Variants in YY1 observed in about 807,000 individuals in gnomAD.
YY1 encodes the protein transcriptional repressor protein YY1.
Under a neutral mutation model 35.6 loss-of-function variants are expected in YY1, and 2 were observed. That is an observed-to-expected ratio of 0.06 (90% CI 0.02 to 0.18). The LOEUF (loss-of-function observed/expected upper bound fraction) is 0.18, where lower values mean the gene tolerates loss of function less well. Ranked by LOEUF, YY1 falls within the 10% of genes least tolerant of loss-of-function variation. The pLI, the probability that YY1 is intolerant of heterozygous loss-of-function variation, is 1.00. For missense variants in YY1, 322 were observed against 573.4 expected (o/e 0.56, Z 4.48); for synonymous variants, 268 against 238.9 (o/e 1.12, Z -1.12).
At chr14:100,250,714 C>T (rs1234810663) in intron 1 of YY1, among the ~76,000 whole-genome samples, 2 of 151,818 alleles carry the variant, frequency 1.3e-5, no homozygotes, top group African/African-American at 4.8e-5. Flanking sequence ...TTAGAGATGC[C>T]TAAAAAATGT....
chr14:100,240,571 G>C (rs1179509288), intron 1 of YY1, among the ~76,000 whole-genome samples: 1 of 152,152 alleles, frequency 6.6e-6, no homozygotes, highest in Non-Finnish European at 1.5e-5. Context: ...CCCAGCGCCG[G>C]GCTGGACCCT....
At chr14:100,268,291 C>A (rs80353463) in intron 2 of YY1, among the ~76,000 whole-genome samples, 1,881 of 152,280 alleles carry the variant, frequency 0.012, 40 homozygotes, top group African/African-American at 0.043. Flanking sequence ...CAGTTACATA[C>A]GCACATGGGC....
intron 1 of YY1, 95 bp downstream of exon 1, chr14:100,240,018 C>A: frequency 8.0e-7 from 1 of 1,250,922 alleles, no homozygotes; most frequent in Non-Finnish European, 1.0e-6. Flanking sequence ...TCTTCTTCGC[C>A]AGGGCAAGTA....
At chr14:100,263,088 A>G (rs1169451082) in intron 2 of YY1, among the ~76,000 whole-genome samples, 1 of 152,188 alleles carries the variant, frequency 6.6e-6, no homozygotes, top group Admixed American at 6.5e-5. Context: ...TTGTGTGTTT[A>G]GTAGAGACAG....
chr14:100,239,536 C>T lies in YY1; in HGVS notation c.292C>T (p.His98Tyr). ...GGTCACCGACGACCCGACCCAGGTGCACCACCACCAGGAGGTGATCCTGGT... is the reference window on the plus strand; with the variant it reads ...GGTCACCGACGACCCGACCCAGGTGTACCACCACCAGGAGGTGATCCTGGT... Reference protein sequence around the residue: ...PLVTDDPTQVHHHQEVILVQT... With the variant: ...PLVTDDPTQVYHHQEVILVQT... The change falls in exon 1 of 5, where the codon CAC (histidine) becomes TAC (tyrosine). Residue 98 changes from histidine to tyrosine, a missense_variant. Physicochemically the swap from His to Tyr is moderately conservative, Grantham distance 83 (BLOSUM62 2). This residue lies in a region of YY1 where 137 missense variants were observed against 167.0 expected (regional missense o/e 0.82). Transcript: ENST00000262238. 2 of 1,612,308 alleles carry T rather than the reference C, an allele frequency of 1.2e-6. No homozygotes were observed. The highest frequency in any genetic ancestry group is 1.3e-5 in the African/African-American group (1 of 74,992).
chr14:100,276,324 T>C lies in YY1; in HGVS notation c.904-166T>C. On this transcript the variant is annotated intron_variant, in intron 3 of 4. Transcript: ENST00000262238. This position sits in a 1 kb window ranked among gnomAD's most constrained non-coding sequence, Gnocchi z 4.1. ...AATGATGACTTTTTCAGCTGTCTGC[T>C]TTTTGTCTTAAATGATATTAATGTT... The C allele has an allele frequency of 1.1e-6, 1 of 928,644 alleles. No individual in the cohort carries two copies. The highest frequency in any genetic ancestry group is 1.6e-6 in the Non-Finnish European group (1 of 622,812). The allele number at this position is 928,644 out of a possible 1,614,324, so 57.5% of individuals were successfully genotyped here.
intron 1 of YY1, among the ~76,000 whole-genome samples, chr14:100,241,040 G>A (rs527854773): frequency 1.3e-5 from 2 of 152,114 alleles, no homozygotes; most frequent in Non-Finnish European, 2.9e-5. Context: ...TAGAGCAAAA[G>A]GATCTTATCT....
chr14:100,253,925 G>T (rs973910460), intron 1 of YY1, among the ~76,000 whole-genome samples: 55 of 152,066 alleles, frequency 3.6e-4, no homozygotes, highest in Non-Finnish European at 6.5e-4. Flanking sequence ...CTGCCTCCTG[G>T]GTTCTAGCAG....
intron 1 of YY1, among the ~76,000 whole-genome samples, chr14:100,252,294 T>C (rs1890936050): frequency 6.6e-6 from 1 of 152,194 alleles, no homozygotes; most frequent in Non-Finnish European, 1.5e-5. Context: ...GGAGTGATTA[T>C]TGCTTTGGTA....
Position 100,240,116 on chromosome 14 carries a change from C to CGG in YY1, c.679+199_679+200dup, listed in dbSNP as rs1044409625. 2.8e-5 allele frequency among the ~76,000 whole-genome samples: 4 copies of CGG among 143,616 alleles called. No homozygotes were observed. In the East Asian group the frequency reaches 8.5e-4, roughly 30 times the overall value. 94.2% of individuals were successfully genotyped at this position (143,616 alleles called of 152,430 possible). Reference sequence around the variant, plus strand: ...GGGCCGCGAAGATGGCGGCAGGCCGCGGGGGGGAGGGGCCGGCGCCGCCCG... The same window carrying CGG: ...GGGCCGCGAAGATGGCGGCAGGCCGCGGGGGGGGGAGGGGCCGGCGCCGCCCG... On this transcript the variant is annotated intron_variant, in intron 1 of 4. Transcript: ENST00000262238.
chr14:100,240,069 C>CGCG (rs966081365), intron 1 of YY1, 146 bp downstream of exon 1: 322 of 636,572 alleles, frequency 5.1e-4, no homozygotes, highest in Admixed American at 4.0e-3. Flanking sequence ...GCGGCGGGGG[C>CGCG]GCGGCGGCGG....
At chr14:100,239,952 G>T in intron 1 of YY1, 29 bp downstream of exon 1, 1 of 1,509,722 alleles carries the variant, frequency 6.6e-7, no homozygotes, top group East Asian at 2.7e-5. Flanking sequence ...CCCCGGCCCC[G>T]GGATGTTTTT....
At chr14:100,260,416 AATATATGAATATATATAT>A (rs1891064685) in intron 1 of YY1, among the ~76,000 whole-genome samples, 1 of 127,976 alleles carries the variant, frequency 7.8e-6, no homozygotes, top group Admixed American at 8.3e-5. Context: ...ATGGGGTCTG[AATATATGAATATATATAT>A]ATATATATAT....
chr14:100,256,387 C>T (rs1891006575), intron 1 of YY1, among the ~76,000 whole-genome samples: 1 of 152,170 alleles, frequency 6.6e-6, no homozygotes, highest in African/African-American at 2.4e-5. Flanking sequence ...AAGCAAGAAA[C>T]TCAGGTGGCA....
chr14:100,272,870 CT>C (rs1891262472), intron 2 of YY1, among the ~76,000 whole-genome samples: 1 of 151,822 alleles, frequency 6.6e-6, no homozygotes, highest in Admixed American at 6.6e-5. Context: ...TTAGTTCCCA[CT>C]TATAAGTGAG....
rs1891450136 is a variant in YY1 at position 100,282,343 on chromosome 14, G to C, written c.*4743G>C. 2 of 151,942 alleles carry C rather than the reference G, an allele frequency of 1.3e-5. No individual in the cohort carries two copies. Among genetic ancestry groups the C allele is most frequent in the Admixed American group, 6.6e-5 (1 of 15,260 alleles). 9.4% of individuals were successfully genotyped at this position (151,942 alleles called of 1,614,324 possible). A position where few individuals can be genotyped will look rare whatever the true frequency, so the allele number is the denominator to read the frequency against. On this transcript the variant is annotated 3_prime_UTR_variant, in exon 5 of 5. Coordinates refer to ENST00000262238, the MANE Select transcript of YY1 (RefSeq NM_003403.5). Reference sequence around the variant, plus strand: ...GGATGTGTTGAGGAGGGGGCAGTTTGCTGTGCTCTGTTCTGTCTGCTGCTC... The same window carrying C: ...GGATGTGTTGAGGAGGGGGCAGTTTCCTGTGCTCTGTTCTGTCTGCTGCTC...
intron 1 of YY1, among the ~76,000 whole-genome samples, chr14:100,261,528 T>C (rs1282174425): frequency 6.6e-6 from 1 of 152,208 alleles, no homozygotes; most frequent in Non-Finnish European, 1.5e-5. Flanking sequence ...GTGCAGATTT[T>C]GAACAAGGCT....
rs778649407 is a variant in YY1 at position 100,277,219 on chromosome 14, G to A, written c.1063-199G>A. 4.5e-6 allele frequency: 3 copies of A among 671,384 alleles called. No homozygotes were observed. Among genetic ancestry groups the A allele is most frequent in the East Asian group, 2.7e-5 (1 of 36,604 alleles). 41.6% of individuals were successfully genotyped at this position (671,384 alleles called of 1,614,324 possible). On this transcript the variant is annotated intron_variant, in intron 4 of 4. Transcript: ENST00000262238. This position sits in a 1 kb window ranked among gnomAD's most constrained non-coding sequence, Gnocchi z 5.6. ...TTTTGCCAAGTGTTTTAAACAGTTCGTGAGGGCTCTCCTTGGGTTTTCGGG... is the reference window on the plus strand; with the variant it reads ...TTTTGCCAAGTGTTTTAAACAGTTCATGAGGGCTCTCCTTGGGTTTTCGGG...
Position 100,277,675 on chromosome 14 carries a change from C to G in YY1, c.*75C>G. ...GTGATTGGGAATAAATATGCCTCTCCTTTGTATATTATTTCTAGGAAGAAT... is the reference window on the plus strand; with the variant it reads ...GTGATTGGGAATAAATATGCCTCTCGTTTGTATATTATTTCTAGGAAGAAT... On this transcript the variant is annotated 3_prime_UTR_variant, in exon 5 of 5. Transcript: ENST00000262238. This position sits in a 1 kb window ranked among gnomAD's most constrained non-coding sequence, Gnocchi z 5.6. The G allele has an allele frequency of 1.4e-6, 2 of 1,448,166 alleles. No individual in the cohort carries two copies. Among genetic ancestry groups the G allele is most frequent in the African/African-American group, 1.4e-5 (1 of 70,734 alleles). The allele number at this position is 1,448,166 out of a possible 1,614,324, so 89.7% of individuals were successfully genotyped here.
Sources: allele counts gnomAD v4.1 joint callset (sites outside exome capture counted in the v4.1 genomes callset), GRCh38; gene constraint gnomAD v4.1.1; regional missense constraint gnomAD v4.1.1; non-coding constraint Gnocchi (gnomAD v3.1); transcripts MANE v1.5; gene names NCBI Gene and HGNC (gene_info 2026-07-23, HGNC 2026-07-21).